Variants in ARL8B observed in about 807,000 individuals in gnomAD.
ARL8B encodes ARF like GTPase 8B.
A neutral mutation model predicts 30.6 loss-of-function variants in ARL8B; 9 were observed. The ratio of observed to expected loss-of-function variants is 0.29; its 90% CI spans 0.18 to 0.51. The LOEUF (loss-of-function observed/expected upper bound fraction) is 0.51, where lower values mean the gene tolerates loss of function less well. Ranked by LOEUF, ARL8B falls within the 20% of genes least tolerant of loss-of-function variation. The pLI is 0.97. For synonymous variants in ARL8B, 74 were observed against 76.0 expected (o/e 0.97, Z 0.14); for missense variants, 130 against 227.2 (o/e 0.57, Z 2.75).
chr3:5,124,388 G>A (rs557997424), intron 1 of ARL8B, among the ~76,000 whole-genome samples: 1 of 150,496 alleles, frequency 6.6e-6, no homozygotes, highest in East Asian at 2.0e-4. Context: ...TTACAGGCAT[G>A]AGCCACCGTT....
intron 1 of ARL8B, among the ~76,000 whole-genome samples, chr3:5,153,514 T>G (rs1293413298): frequency 6.6e-6 from 1 of 152,118 alleles, no homozygotes; most frequent in Admixed American, 6.5e-5. Context: ...TTAAACCTCT[T>G]TCTTTTGTAA....
chr3:5,153,756 T>C (rs1236227665), intron 1 of ARL8B, among the ~76,000 whole-genome samples: 1 of 152,224 alleles, frequency 6.6e-6, no homozygotes, highest in East Asian at 1.9e-4. Context: ...GTCCCACCTT[T>C]CCCTCTGGTA....
chr3:5,161,639 TTGAG>T (rs1457481839), intron 1 of ARL8B, among the ~76,000 whole-genome samples: 7 of 152,338 alleles, frequency 4.6e-5, no homozygotes, highest in South Asian at 2.1e-4. Context: ...TGCATTCTGA[TTGAG>T]TAAGAGGGTT....
At chr3:5,156,525 T>C (rs999256250) in intron 1 of ARL8B, among the ~76,000 whole-genome samples, 1 of 152,038 alleles carries the variant, frequency 6.6e-6, no homozygotes, top group Non-Finnish European at 1.5e-5. Flanking sequence ...CAAGCGATAC[T>C]CTTGCCTCAG....
intron 1 of ARL8B, among the ~76,000 whole-genome samples, chr3:5,123,865 G>A (rs111460923): frequency 0.046 from 6,953 of 152,176 alleles, 343 homozygotes; most frequent in East Asian, 0.13. Flanking sequence ...TCCTTTTCTA[G>A]TAGTATTATT....
Position 5,174,635 on chromosome 3 carries a change from C to G in ARL8B, c.511+221C>G, listed in dbSNP as rs536013373. On this transcript the variant is annotated intron_variant, in intron 6 of 6. Transcript: ENST00000256496. ...TCTTTGAAATTGCAATGTTATCTCTCTCTCTCTCATACAAATATATATATA... is the reference window on the plus strand; with the variant it reads ...TCTTTGAAATTGCAATGTTATCTCTGTCTCTCTCATACAAATATATATATA... Among the ~76,000 whole-genome samples the G allele has an allele frequency of 1.3e-4, 19 of 144,814 alleles. No homozygotes were observed. The Middle Eastern group carries it at 0.014, about 110-fold the overall frequency.
At chr3:5,123,184 A>C (rs1189187723) in intron 1 of ARL8B, among the ~76,000 whole-genome samples, 2 of 152,208 alleles carry the variant, frequency 1.3e-5, no homozygotes, top group East Asian at 3.9e-4. Context: ...GCTGAGCTCC[A>C]GCTAGCCCAC....
At chr3:5,152,092 A>AC (rs2054489863) in intron 1 of ARL8B, among the ~76,000 whole-genome samples, 1 of 152,172 alleles carries the variant, frequency 6.6e-6, no homozygotes, top group Non-Finnish European at 1.5e-5. Context: ...TTTTTTAATG[A>AC]AATGTTCTGT....
intron 4 of ARL8B, among the ~76,000 whole-genome samples, chr3:5,173,385 T>C (rs909808312): frequency 6.6e-6 from 1 of 152,206 alleles, no homozygotes; most frequent in Non-Finnish European, 1.5e-5. Flanking sequence ...ATTTCCAAAA[T>C]TCGAAACACT....
At chr3:5,132,973 G>C (rs1164383196) in intron 1 of ARL8B, among the ~76,000 whole-genome samples, 2 of 152,146 alleles carry the variant, frequency 1.3e-5, no homozygotes, top group Non-Finnish European at 2.9e-5. Flanking sequence ...TTTTGAGCTG[G>C]GTTATAAGAG....
chr3:5,151,538 G>GT (rs1165114202), intron 1 of ARL8B, among the ~76,000 whole-genome samples: 1 of 152,124 alleles, frequency 6.6e-6, no homozygotes, highest in Non-Finnish European at 1.5e-5. Context: ...AGTTCAACAT[G>GT]TTTTTATTTT....
intron 1 of ARL8B, among the ~76,000 whole-genome samples, chr3:5,136,033 C>T (rs894230102): frequency 6.6e-6 from 1 of 151,654 alleles, no homozygotes; most frequent in Non-Finnish European, 1.5e-5. Flanking sequence ...GGCAGTCCAC[C>T]CGCCTCGGCC....
Position 5,133,231 on chromosome 3 carries a change from G to C in ARL8B, c.123+10643G>C, listed in dbSNP as rs115739544. 5.8e-4 allele frequency among the ~76,000 whole-genome samples: 88 copies of C among 152,274 alleles called. 1 individual carries two copies. The highest frequency in any genetic ancestry group is 5.5e-3 in the Admixed American group (84 of 15,276). On this transcript the variant is annotated intron_variant, in intron 1 of 6. Coordinates refer to ENST00000256496, the MANE Select transcript of ARL8B (RefSeq NM_018184.3). Reference sequence around the variant, plus strand: ...AAAGGCTGGAAAAGTAGATCAGTCAGCTCCCACAGGGCCTTGACTGAGTGT... The same window carrying C: ...AAAGGCTGGAAAAGTAGATCAGTCACCTCCCACAGGGCCTTGACTGAGTGT...
chr3:5,140,719 T>G (rs984422385), intron 1 of ARL8B, among the ~76,000 whole-genome samples: 5 of 152,150 alleles, frequency 3.3e-5, no homozygotes, highest in Admixed American at 3.3e-4. Flanking sequence ...GAGCTGTGAT[T>G]TGTTGTCATC....
At chr3:5,156,268 T>G (rs1260009946) in intron 1 of ARL8B, among the ~76,000 whole-genome samples, 2 of 152,172 alleles carry the variant, frequency 1.3e-5, no homozygotes, top group African/African-American at 4.8e-5. Flanking sequence ...TTCCTTTGAA[T>G]GGACCATACT....
At chr3:5,134,366 G>A (rs2054307744) in intron 1 of ARL8B, among the ~76,000 whole-genome samples, 1 of 152,212 alleles carries the variant, frequency 6.6e-6, no homozygotes, top group African/African-American at 2.4e-5. Context: ...GTCTTTAATA[G>A]CTGGGATGAA....
At chr3:5,166,537 C>T (rs2054625926) in intron 1 of ARL8B, among the ~76,000 whole-genome samples, 1 of 151,186 alleles carries the variant, frequency 6.6e-6, no homozygotes, top group South Asian at 2.1e-4. Context: ...AGGGTTTCAC[C>T]ATGTTGCCCA....
chr3:5,126,002 A>G (rs2054227180), intron 1 of ARL8B, among the ~76,000 whole-genome samples: 1 of 152,214 alleles, frequency 6.6e-6, no homozygotes, highest in African/African-American at 2.4e-5. Flanking sequence ...AAATGTATAC[A>G]ATTATGATTT....
intron 3 of ARL8B, among the ~76,000 whole-genome samples, 182 bp downstream of exon 3, chr3:5,172,405 T>C (rs2054684617): frequency 6.6e-6 from 1 of 152,236 alleles, no homozygotes; most frequent in African/African-American, 2.4e-5. Flanking sequence ...ATAAGATCTT[T>C]ATGTTTTTTG....
Sources: allele counts gnomAD v4.1 joint callset (sites outside exome capture counted in the v4.1 genomes callset), GRCh38; gene constraint gnomAD v4.1.1; transcripts MANE v1.5; gene names NCBI Gene and HGNC (gene_info 2026-07-23, HGNC 2026-07-21).